Variants in GAN observed in about 807,000 individuals in gnomAD.
GAN encodes epididymis secretory sperm binding protein.
GAN carries 48 observed loss-of-function variants against 71.3 expected under a neutral mutation model. The observed-to-expected ratio is 0.67, with a 90% CI of 0.53 to 0.86. The LOEUF (loss-of-function observed/expected upper bound fraction) is 0.86, where lower values mean the gene tolerates loss of function less well. Among genes scored for constraint, GAN ranks in the 40% least tolerant of loss-of-function variants. The pLI is 0.00. For missense variants in GAN, 928 were observed against 770.1 expected (o/e 1.21, Z -2.43); for synonymous variants, 386 against 276.8 (o/e 1.39, Z -3.92).
intron 2 of GAN, among the ~76,000 whole-genome samples, chr16:81,352,718 T>A (rs1164598226): frequency 6.6e-6 from 1 of 152,188 alleles, no homozygotes; most frequent in African/African-American, 2.4e-5. Context: ...TTTCATGCTT[T>A]CTCTCTTCTC....
chr16:81,347,275 G>T (rs1162338511), intron 1 of GAN, among the ~76,000 whole-genome samples: 2 of 152,194 alleles, frequency 1.3e-5, no homozygotes, highest in African/African-American at 2.4e-5. Flanking sequence ...GTACGGGCAG[G>T]AATAGTAGAC....
Position 81,382,047 on chromosome 16 carries a change from G to A in GAN, c.*4451G>A, listed in dbSNP as rs909692545. ...ATAATGTTGATCATGTTTAGTATTGGGCTTTATTGACTGCTTTTTATATGG... is the reference window on the plus strand; with the variant it reads ...ATAATGTTGATCATGTTTAGTATTGAGCTTTATTGACTGCTTTTTATATGG... On this transcript the variant is annotated 3_prime_UTR_variant, in exon 11 of 11. Transcript: ENST00000648994. 6.6e-6 allele frequency: 1 copy of A among 152,028 alleles called. No individual in the cohort carries two copies. The highest frequency in any genetic ancestry group is 2.4e-5 in the African/African-American group (1 of 41,370). 9.4% of individuals were successfully genotyped at this position (152,028 alleles called of 1,614,324 possible). A position where few individuals can be genotyped will look rare whatever the true frequency, so the allele number is the denominator to read the frequency against.
At chr16:81,360,988 C>A (rs565312277) in intron 5 of GAN, among the ~76,000 whole-genome samples, 4 of 152,136 alleles carry the variant, frequency 2.6e-5, no homozygotes, top group Admixed American at 1.3e-4. Context: ...CTTTTGGAGG[C>A]TGAGGCGGGT....
At chr16:81,372,816 T>C (rs1265263765) in intron 9 of GAN, among the ~76,000 whole-genome samples, 1 of 152,244 alleles carries the variant, frequency 6.6e-6, no homozygotes, top group Non-Finnish European at 1.5e-5. Flanking sequence ...TTTGATGTTT[T>C]TCAAACATTA....
At chr16:81,325,732 A>G (rs564596305) in intron 1 of GAN, among the ~76,000 whole-genome samples, 6 of 152,324 alleles carry the variant, frequency 3.9e-5, no homozygotes, top group Non-Finnish European at 7.4e-5. Flanking sequence ...AGAACTAAGA[A>G]TGAAGAAAAA....
chr16:81,369,826 T>C (rs1910980033), intron 9 of GAN, among the ~76,000 whole-genome samples: 1 of 152,196 alleles, frequency 6.6e-6, no homozygotes, highest in Non-Finnish European at 1.5e-5. Flanking sequence ...CGCCTCGGCC[T>C]CCCAAAGTGC....
chr16:81,330,057 C>A (rs1168358106), intron 1 of GAN, among the ~76,000 whole-genome samples: 4 of 152,172 alleles, frequency 2.6e-5, no homozygotes, highest in African/African-American at 9.7e-5. Context: ...GATGCCCAGA[C>A]CTCTCGTTTC....
chr16:81,365,285 G>T, intron 8 of GAN, 65 bp from the exon 9 acceptor site: 1 of 1,607,056 alleles, frequency 6.2e-7, no homozygotes, highest in Non-Finnish European at 8.5e-7. Flanking sequence ...AGCATAAGAG[G>T]AACGCGGGAG....
chr16:81,330,418 G>T (rs1909536761), intron 1 of GAN, among the ~76,000 whole-genome samples: 1 of 152,190 alleles, frequency 6.6e-6, no homozygotes, highest in South Asian at 2.1e-4. Context: ...ACTCCCAGAG[G>T]CCAATACCTC....
At position 81,364,925 on chromosome 16, in the gene GAN, C is replaced by A. The variant is rs200388432; in HGVS notation, c.1237-49C>A. On this transcript the variant is annotated intron_variant, in intron 7 of 10. Transcript: ENST00000648994. ...GACAGTTTAATATCTGTTCACCTGA[C>A]CTGAATGAGAAATGTTGCCTCTCCC... The A allele has an allele frequency of 1.1e-5, 17 of 1,589,928 alleles. No individual in the cohort carries two copies. The Middle Eastern group carries it at 6.6e-4, about 62-fold the overall frequency.
chr16:81,390,236 T>C lies in GAN; in HGVS notation c.*12640T>C, dbSNP rs1016594025. 1.3e-5 allele frequency: 2 copies of C among 152,210 alleles called. No individual in the cohort carries two copies. Among genetic ancestry groups the C allele is most frequent in the African/African-American group, 4.8e-5 (2 of 41,462 alleles). The allele number at this position is 152,210 out of a possible 1,614,324, so 9.4% of individuals were successfully genotyped here. ...ATTGTACTCCCCAAGTTCAGTAGGA[T>C]AGTAGAGAAGTCGTGCTAAGTTGAT... On this transcript the variant is annotated 3_prime_UTR_variant, in exon 11 of 11. Transcript: ENST00000648994.
intron 1 of GAN, among the ~76,000 whole-genome samples, chr16:81,348,657 T>C (rs1269306522): frequency 6.6e-6 from 1 of 152,240 alleles, no homozygotes; most frequent in Non-Finnish European, 1.5e-5. Context: ...CTACGTTTTC[T>C]GTGTATGATG....
intron 1 of GAN, among the ~76,000 whole-genome samples, chr16:81,335,320 A>T (rs1909718676): frequency 6.6e-6 from 1 of 152,114 alleles, no homozygotes; most frequent in African/African-American, 2.4e-5. Context: ...ACTACTCTTA[A>T]AATCCATTAA....
chr16:81,349,875 G>C, intron 1 of GAN, among the ~76,000 whole-genome samples: 1 of 152,164 alleles, frequency 6.6e-6, no homozygotes, highest in Non-Finnish European at 1.5e-5. Context: ...AGGTAACACA[G>C]TGTCAATCTT....
Position 81,383,195 on chromosome 16 carries a change from A to T in GAN, c.*5599A>T, listed in dbSNP as rs1904315571. 4.6e-5 allele frequency: 7 copies of T among 151,558 alleles called. No homozygotes were observed. The South Asian group carries it at 1.5e-3, about 31-fold the overall frequency. The allele number at this position is 151,558 out of a possible 1,614,324, so 9.4% of individuals were successfully genotyped here. A position where few individuals can be genotyped will look rare whatever the true frequency, so the allele number is the denominator to read the frequency against. Reference sequence around the variant, plus strand: ...TCATGAAATTAAACATCAAATAAATAAAACTACATTATATAATTATTTAGT... The same window carrying T: ...TCATGAAATTAAACATCAAATAAATTAAACTACATTATATAATTATTTAGT... On this transcript the variant is annotated 3_prime_UTR_variant, in exon 11 of 11. Transcript: ENST00000648994.
chr16:81,355,858 T>G (rs80146849), intron 3 of GAN, among the ~76,000 whole-genome samples: 3,949 of 152,324 alleles, frequency 0.026, 88 homozygotes, highest in East Asian at 0.082. Context: ...TGTAAGCCCA[T>G]AAGTATGCAT....
chr16:81,334,484 G>A (rs916801757), intron 1 of GAN, among the ~76,000 whole-genome samples: 3 of 152,178 alleles, frequency 2.0e-5, no homozygotes, highest in Admixed American at 2.0e-4. Context: ...ATGTGGTATT[G>A]AGTAGTGAGC....
Position 81,387,095 on chromosome 16 carries a change from T to G in GAN, c.*9499T>G, listed in dbSNP as rs949116266. The G allele has an allele frequency of 6.6e-6, 1 of 152,226 alleles. No homozygotes were observed. The highest frequency in any genetic ancestry group is 1.5e-5 in the Non-Finnish European group (1 of 68,062). The allele number at this position is 152,226 out of a possible 1,614,324, so 9.4% of individuals were successfully genotyped here. A position where few individuals can be genotyped will look rare whatever the true frequency, so the allele number is the denominator to read the frequency against. ...ACTCTAGCAGCATCCTGTTTGACATTTGTATCCATAACTTGAATAAAAATA... is the reference window on the plus strand; with the variant it reads ...ACTCTAGCAGCATCCTGTTTGACATGTGTATCCATAACTTGAATAAAAATA... On this transcript the variant is annotated 3_prime_UTR_variant, in exon 11 of 11. Coordinates refer to ENST00000648994, the MANE Select transcript of GAN (RefSeq NM_022041.4).
chr16:81,348,314 G>T (rs1294389239), intron 1 of GAN, among the ~76,000 whole-genome samples: 3 of 151,970 alleles, frequency 2.0e-5, no homozygotes, highest in Non-Finnish European at 4.4e-5. Context: ...ACAATATCCT[G>T]TCTTTTCCCT....
Sources: gnomAD v4.1 joint callset for allele counts (sites outside exome capture counted in the v4.1 genomes callset) on GRCh38, gnomAD v4.1.1 for gene constraint, MANE v1.5 for transcripts, NCBI Gene and HGNC (gene_info 2026-07-23, HGNC 2026-07-21) for gene names.